Variants in POLR3E observed in about 807,000 individuals in gnomAD.
The protein encoded by POLR3E is DNA-directed RNA polymerase III subunit RPC5.
A neutral mutation model predicts 96.6 loss-of-function variants in POLR3E; 41 were observed. That is an observed-to-expected ratio of 0.42 (90% CI 0.33 to 0.55). POLR3E has a LOEUF of 0.55. POLR3E is among the 20% of genes least tolerant of loss of function. POLR3E has a pLI of 0.06. For missense variants in POLR3E, 849 were observed against 952.1 expected (o/e 0.89, Z 1.43); for synonymous variants, 396 against 383.6 (o/e 1.03, Z -0.38).
In POLR3E at chr16:22,328,929, C is replaced by T. The variant is rs2048672070; in HGVS notation, c.1944+342C>T. 3.0e-5 allele frequency: 9 copies of T among 302,910 alleles called. No individual in the cohort carries two copies. The Admixed American group carries it at 3.5e-4, about 12-fold the overall frequency. The allele number at this position is 302,910 out of a possible 1,614,324, so 18.8% of individuals were successfully genotyped here. ...TCACCTGAGGTTGGGAGTTTGACAC[C>T]AGCCTGACCAATATGGTGAAACCCC... On this transcript the variant is annotated intron_variant, in intron 19 of 20. Coordinates refer to ENST00000299853, the MANE Select transcript of POLR3E (RefSeq NM_018119.4).
intron 6 of POLR3E, among the ~76,000 whole-genome samples, chr16:22,312,289 G>T (rs1852780595): frequency 6.6e-6 from 1 of 152,050 alleles, no homozygotes; most frequent in Non-Finnish European, 1.5e-5. Flanking sequence ...GAGGTCAGGA[G>T]TTCGAGACCA....
intron 17 of POLR3E, chr16:22,325,480 G>C: frequency 1.6e-6 from 1 of 611,740 alleles, no homozygotes; most frequent in East Asian, 2.8e-5. Context: ...GGATTCCAGG[G>C]CTGAGTCTGG....
chr16:22,315,396 A>G (rs544150745), intron 9 of POLR3E, among the ~76,000 whole-genome samples, 188 bp downstream of exon 9: 34 of 152,328 alleles, frequency 2.2e-4, no homozygotes, highest in Non-Finnish European at 4.9e-4. Flanking sequence ...CCAGGAGAGC[A>G]AGAGGAAAAG....
chr16:22,316,143 A>G (rs2048351872), intron 9 of POLR3E, among the ~76,000 whole-genome samples: 1 of 152,160 alleles, frequency 6.6e-6, no homozygotes, highest in South Asian at 2.1e-4. Flanking sequence ...CTCGGGGTCA[A>G]ACTTCTAGAC....
chr16:22,334,482 C>T lies in POLR3E; in HGVS notation c.*782C>T, dbSNP rs974355479. ...CTTCAAATGGTTACAGGAAGGCGAT[C>T]TTGTTGGGCTCAGCGTTACGTGTAT... is the stretch of plus-strand genomic sequence containing the variant. On this transcript the variant is annotated 3_prime_UTR_variant, in exon 21 of 21. Transcript: ENST00000299853. 1 of 152,150 alleles carries T rather than the reference C, an allele frequency of 6.6e-6. No individual in the cohort carries two copies. The highest frequency in any genetic ancestry group is 1.5e-5 in the Non-Finnish European group (1 of 68,030). 9.4% of individuals were successfully genotyped at this position (152,150 alleles called of 1,614,324 possible).
intron 2 of POLR3E, 34 bp from the exon 3 acceptor site, chr16:22,305,122 G>T: frequency 1.3e-6 from 2 of 1,591,938 alleles, no homozygotes; most frequent in Non-Finnish European, 1.7e-6. Flanking sequence ...ACTGTGTCCA[G>T]TCTCCCGGTT....
rs1454147949 is a variant in POLR3E, at chr16:22,325,983, G to C, written c.1571G>C (p.Ser524Thr). Residue 524 changes from serine (S) to threonine (T), a missense_variant, in exon 18 of 21, where the codon AGC (serine) becomes ACC (threonine). Physicochemically the swap from Ser to Thr is moderately conservative, Grantham distance 58. Coordinates refer to ENST00000299853, the MANE Select transcript of POLR3E (RefSeq NM_018119.4). ...GAGGAGCCCATGGACACTTCCCCCA[G>C]CGGCCTCCACAGCAAGCTGGCCAAC... ...AEEEPMDTSP[S>T]GLHSKLANGL... 6.3e-7 allele frequency: 1 copy of C among 1,592,806 alleles called. No individual in the cohort carries two copies. Among genetic ancestry groups the C allele is most frequent in the African/African-American group, 1.3e-5 (1 of 74,474 alleles).
Position 22,325,939 on chromosome 16 carries a change from C to CGAGGAGCAG in POLR3E, c.1532_1540dup (p.Glu511_Glu513dup). The CGAGGAGCAG allele has an allele frequency of 6.3e-7, 1 of 1,594,506 alleles. No homozygotes were observed. The highest frequency in any genetic ancestry group is 1.8e-5 in the Admixed American group (1 of 55,968). ...CCGTGAGCGAGGAGGGCGAGGAGGACGAGGAGCAGGAGGCGGAGGAGGAGC... is the reference window on the plus strand; with the variant it reads ...CCGTGAGCGAGGAGGGCGAGGAGGACGAGGAGCAGGAGGAGCAGGAGGCGGAGGAGGAGC... On this transcript the variant is annotated inframe_insertion, in exon 18 of 21. Coordinates refer to ENST00000299853, the MANE Select transcript of POLR3E (RefSeq NM_018119.4).
chr16:22,298,201 G>C (rs1389187302), intron 1 of POLR3E, among the ~76,000 whole-genome samples: 1 of 152,146 alleles, frequency 6.6e-6, no homozygotes, highest in African/African-American at 2.4e-5. Flanking sequence ...CCTTGGGCTT[G>C]GAGGCGGAAA....
chr16:22,310,586 C>G (rs1291558478), intron 6 of POLR3E, among the ~76,000 whole-genome samples: 5 of 148,122 alleles, frequency 3.4e-5, no homozygotes. Context: ...CATGCCCGGC[C>G]TGTGTCTTAG....
Position 22,333,756 on chromosome 16 carries a change from C to A in POLR3E, c.*56C>A. ...CTAAGCCCAAGGAAGAAGGGCGGAA[C>A]CAGAAGTAGGGCCTCGACTTGCTTC... On this transcript the variant is annotated 3_prime_UTR_variant, in exon 21 of 21. Coordinates refer to ENST00000299853, the MANE Select transcript of POLR3E (RefSeq NM_018119.4). 2 of 1,248,328 alleles carry A rather than the reference C, an allele frequency of 1.6e-6. No individual in the cohort carries two copies. Among genetic ancestry groups the A allele is most frequent in the South Asian group, 2.4e-5 (2 of 83,842 alleles). 77.3% of individuals were successfully genotyped at this position (1,248,328 alleles called of 1,614,324 possible). A position where few individuals can be genotyped will look rare whatever the true frequency, so the allele number is the denominator to read the frequency against.
At chr16:22,314,744 A>G in intron 8 of POLR3E, among the ~76,000 whole-genome samples, 1 of 152,090 alleles carries the variant, frequency 6.6e-6, no homozygotes, top group East Asian at 1.9e-4. Context: ...TTCTCTCCGT[A>G]GCTTATTAGG....
intron 1 of POLR3E, chr16:22,302,334 C>A (rs1416100454): frequency 6.6e-6 from 1 of 152,300 alleles, no homozygotes; most frequent in East Asian, 1.9e-4. Context: ...GAGTTCCAGT[C>A]TGTTCATTAT....
intron 1 of POLR3E, chr16:22,302,396 C>T (rs2048044290): frequency 6.4e-6 from 1 of 156,884 alleles, no homozygotes; most frequent in Admixed American, 6.2e-5. Context: ...GAATACAGGA[C>T]AGAAGAGTGT....
intron 1 of POLR3E, among the ~76,000 whole-genome samples, chr16:22,300,607 G>A (rs1038620229): frequency 6.6e-6 from 1 of 152,216 alleles, no homozygotes. Flanking sequence ...CTTGGCAGCC[G>A]GTGCAGATGG....
At chr16:22,307,266 AGG>A (rs939962942) in intron 3 of POLR3E, among the ~76,000 whole-genome samples, 38 of 152,300 alleles carry the variant, frequency 2.5e-4, no homozygotes, top group African/African-American at 8.9e-4. Flanking sequence ...ACCCCCAGTC[AGG>A]TGATCTCAGA....
At position 22,308,238 on chromosome 16, in the gene POLR3E, CCT is replaced by C; in HGVS notation, c.165+14_165+15del. ...CAAGCAGCAGAAGGTGGGGCTGCCC[CCT>C]GAGGGCAGTTGGGGCCGAAAGAGAG... is the stretch of plus-strand genomic sequence containing the variant. On this transcript the variant is annotated intron_variant, in intron 4 of 20. Coordinates refer to ENST00000299853, the MANE Select transcript of POLR3E (RefSeq NM_018119.4). 6.2e-7 allele frequency: 1 copy of C among 1,605,850 alleles called. No homozygotes were observed.
intron 19 of POLR3E, among the ~76,000 whole-genome samples, chr16:22,329,678 CA>C (rs909218023): frequency 6.6e-6 from 1 of 151,764 alleles, no homozygotes; most frequent in Admixed American, 6.6e-5. Context: ...AACAAAAAGG[CA>C]AAAAAACAAA....
Position 22,325,795 on chromosome 16 carries a change from C to T in POLR3E, c.1383C>T (p.Ile461=). The T allele has an allele frequency of 1.3e-6, 2 of 1,596,084 alleles. No homozygotes were observed. Among genetic ancestry groups the T allele is most frequent in the Non-Finnish European group, 8.5e-7 (1 of 1,171,560 alleles). ...GGCTGGTCTGTGGGGACCAGCGGAT[C>T]CAAGTAGCCAAAACCAAGGCCCAGC... ...PAGLVCGDQR[I]QVAKTKAQQN... is the part of the protein sequence containing the mutation. Residue 461 remains isoleucine, a synonymous_variant, in exon 18 of 21, where the codon ATC becomes ATT. Coordinates refer to ENST00000299853, the MANE Select transcript of POLR3E (RefSeq NM_018119.4).
Sources: gnomAD v4.1 joint callset for allele counts (sites outside exome capture counted in the v4.1 genomes callset) on GRCh38, gnomAD v4.1.1 for gene constraint, MANE v1.5 for transcripts, NCBI Gene and HGNC (gene_info 2026-07-23, HGNC 2026-07-21) for gene names.